Variants in KAZN observed in about 807,000 individuals in gnomAD.
KAZN encodes kazrin.
In KAZN, 40 loss-of-function variants were observed where a neutral mutation model predicts 87.4. The ratio of observed to expected loss-of-function variants is 0.46; its 90% CI spans 0.36 to 0.60. The LOEUF is 0.60. Among genes scored for constraint, KAZN ranks in the 20% least tolerant of loss-of-function variants. The probability of loss-of-function intolerance (pLI) is 0.00; values close to 1 mark genes in which losing one functional copy is unlikely to be tolerated. For synonymous variants in KAZN, 466 were observed against 458.3 expected, an observed-to-expected ratio of 1.02 and a Z score of -0.22; for missense variants, 898 against 1,073.9, an observed-to-expected ratio of 0.84 and a Z score of 2.29.
At chr1:14,487,007 T>C (rs1042624856) in intron 2 of KAZN, among the ~76,000 whole-genome samples, 15 of 152,364 alleles carry the variant, frequency 9.8e-5, no homozygotes, top group African/African-American at 3.6e-4. Flanking sequence ...GAGGACCAGC[T>C]ATTTTTTGGT....
chr1:14,651,405 A>G (rs567946409), intron 1 of KAZN, among the ~76,000 whole-genome samples: 1 of 152,220 alleles, frequency 6.6e-6, no homozygotes, highest in Non-Finnish European at 1.5e-5. Flanking sequence ...TAACTTTGAC[A>G]TCTGTCTTCC....
At chr1:13,964,537 G>A (rs926976129) in intron 1 of KAZN, among the ~76,000 whole-genome samples, 2 of 152,258 alleles carry the variant, frequency 1.3e-5, no homozygotes, top group African/African-American at 2.4e-5. Context: ...TGTGGTTACC[G>A]GTTGGTCTAG....
intron 2 of KAZN, among the ~76,000 whole-genome samples, chr1:14,415,213 G>A (rs941104272): frequency 1.5e-4 from 23 of 152,050 alleles, no homozygotes; most frequent in African/African-American, 5.6e-4. Flanking sequence ...TTGTCTGCCT[G>A]AAATATTTCA....
At position 15,056,429 on chromosome 1, in the gene KAZN, C is replaced by A. The variant is rs1638284280; in HGVS notation, c.916+149C>A. On this transcript the variant is annotated intron_variant, in intron 5 of 14. Coordinates refer to ENST00000376030, the MANE Select transcript of KAZN (RefSeq NM_201628.3). The surrounding 1 kb of genome is among the most constrained non-coding windows in gnomAD (Gnocchi z 5.4). ...CCTTGGGCTCATGTAACTGAAAAAT[C>A]TAAGAGATGGACAGCAGGCATAGCT... 1 of 768,732 alleles carries A rather than the reference C, an allele frequency of 1.3e-6. No individual in the cohort carries two copies. The highest frequency in any genetic ancestry group is 2.0e-6 in the Non-Finnish European group (1 of 494,926). The allele number at this position is 768,732 out of a possible 1,614,324, so 47.6% of individuals were successfully genotyped here.
intron 2 of KAZN, among the ~76,000 whole-genome samples, chr1:14,456,958 G>C (rs769240171): frequency 1.1e-4 from 17 of 152,038 alleles, no homozygotes; most frequent in Non-Finnish European, 2.1e-4. Context: ...TGTGTGCCTG[G>C]AGTCCCAGCT....
intron 1 of KAZN, among the ~76,000 whole-genome samples, chr1:13,911,177 C>A (rs2100868646): frequency 6.6e-6 from 1 of 152,312 alleles, no homozygotes; most frequent in East Asian, 1.9e-4. Context: ...GCCTCCCAAG[C>A]AACTGGAGTT....
At chr1:14,365,363 CGGGGT>C (rs869148897) in intron 2 of KAZN, among the ~76,000 whole-genome samples, 11,515 of 89,418 alleles carry the variant, frequency 0.13, 888 homozygotes, top group Admixed American at 0.16. Context: ...CCCCTCCCCC[CGGGGT>C]GGGGGGGGGG....
At chr1:14,053,279 C>T (rs143352632) in intron 1 of KAZN, among the ~76,000 whole-genome samples, 3 of 152,188 alleles carry the variant, frequency 2.0e-5, no homozygotes, top group Admixed American at 6.5e-5. Context: ...TTGCCAACAA[C>T]CTGAGTGAGC....
chr1:14,015,430 A>AT (rs1438862744), intron 1 of KAZN, among the ~76,000 whole-genome samples: 1 of 45,402 alleles, frequency 2.2e-5, no homozygotes, highest in Non-Finnish European at 5.2e-5. Context: ...GTCCTAAATT[A>AT]TTTTATAAAG....
At chr1:14,127,491 A>G (rs1644899892) in intron 1 of KAZN, among the ~76,000 whole-genome samples, 1 of 151,524 alleles carries the variant, frequency 6.6e-6, no homozygotes, top group African/African-American at 2.4e-5. Flanking sequence ...CCAGGAGGCC[A>G]GGAAATCCAA....
intron 1 of KAZN, among the ~76,000 whole-genome samples, chr1:14,782,504 C>T (rs757692177): frequency 1.3e-4 from 18 of 140,100 alleles, no homozygotes; most frequent in Non-Finnish European, 2.1e-4. Flanking sequence ...GCCAAGGCCG[C>T]GTCATTACAC....
At chr1:14,475,866 CAGAT>C (rs1209000166) in intron 2 of KAZN, among the ~76,000 whole-genome samples, 1 of 152,006 alleles carries the variant, frequency 6.6e-6, no homozygotes, top group Non-Finnish European at 1.5e-5. Context: ...CCTGTCTTCT[CAGAT>C]AGTCTGAGAA....
chr1:14,360,520 C>T (rs1659414968), intron 2 of KAZN, among the ~76,000 whole-genome samples: 2 of 152,130 alleles, frequency 1.3e-5, no homozygotes, highest in South Asian at 4.1e-4. Context: ...GGAGAAGAGG[C>T]ATTCTGGTTT....
At chr1:14,134,990 CACACACACACACAT>C (rs1645075280) in intron 1 of KAZN, among the ~76,000 whole-genome samples, 3 of 88,128 alleles carry the variant, frequency 3.4e-5, no homozygotes, top group African/African-American at 1.1e-4. Context: ...CACACACACA[CACACACACACACAT>C]GTGCACACAT....
intron 1 of KAZN, among the ~76,000 whole-genome samples, chr1:14,155,609 G>A (rs1444940496): frequency 6.6e-6 from 1 of 151,890 alleles, no homozygotes; most frequent in African/African-American, 2.4e-5. Context: ...AGTTCTTTAA[G>A]ATGCACTGTT....
At chr1:14,366,790 G>A (rs1247348501) in intron 2 of KAZN, among the ~76,000 whole-genome samples, 2 of 152,220 alleles carry the variant, frequency 1.3e-5, no homozygotes, top group East Asian at 3.8e-4. Context: ...CACATGAGGT[G>A]GCTGCTTTCC....
At chr1:14,693,146 A>T (rs1350138633) in intron 1 of KAZN, among the ~76,000 whole-genome samples, 1 of 152,192 alleles carries the variant, frequency 6.6e-6, no homozygotes, top group East Asian at 1.9e-4. Context: ...CGCCTTCTTC[A>T]GGGACAGTGG....
intron 1 of KAZN, among the ~76,000 whole-genome samples, chr1:14,607,740 A>G (rs1331212769): frequency 2.0e-5 from 3 of 151,972 alleles, no homozygotes; most frequent in Non-Finnish European, 4.4e-5. Context: ...TGACTTTCCT[A>G]CCTTTATGGG....
chr1:15,046,677 G>C (rs12082227), intron 4 of KAZN, among the ~76,000 whole-genome samples: 10,152 of 152,260 alleles, frequency 0.067, 864 homozygotes, highest in African/African-American at 0.2. Flanking sequence ...GGCAGGATCC[G>C]TGGGCCTAGC....
Sources: gnomAD v4.1 joint callset for allele counts (sites outside exome capture counted in the v4.1 genomes callset) on GRCh38, gnomAD v4.1.1 for gene constraint, Gnocchi (gnomAD v3.1) non-coding constraint, MANE v1.5 for transcripts, NCBI Gene and HGNC (gene_info 2026-07-23, HGNC 2026-07-21) for gene names.